The following SORL1 variants were observed in gnomAD, a reference collection of about 807,000 sequenced individuals.
The protein encoded by SORL1 is sortilin related receptor 1, also known as sortilin-related receptor.
A neutral mutation model predicts 273.7 loss-of-function variants in SORL1; 127 were observed. The ratio of observed to expected loss-of-function variants is 0.46; its 90% CI spans 0.40 to 0.54. The LOEUF (loss-of-function observed/expected upper bound fraction) is 0.54. Ranked by LOEUF, SORL1 falls within the 20% of genes least tolerant of loss-of-function variation. The pLI is 0.00. For missense variants in SORL1, 2,494 were observed against 2,846.1 expected, an observed-to-expected ratio of 0.88 and a Z score of 2.81; for synonymous variants, 1,031 against 1,067.4, an observed-to-expected ratio of 0.97 and a Z score of 0.66.
chr11:121,522,503 C>G (rs630813), intron 9 of SORL1, 83 bp from the exon 10 acceptor site: 1,013,594 of 1,019,202 alleles, frequency 0.99, 504,211 homozygotes, highest in East Asian at 1. Flanking sequence ...CAGCTGCACT[C>G]CCCTCACACA....
At chr11:121,510,484 C>G (rs1324455914) in intron 6 of SORL1, among the ~76,000 whole-genome samples, 3 of 152,174 alleles carry the variant, frequency 2.0e-5, no homozygotes, top group Admixed American at 2.0e-4. Flanking sequence ...TTCAAGACAT[C>G]CATACTAGCC....
At chr11:121,594,201 C>A (rs1863258321) in intron 31 of SORL1, among the ~76,000 whole-genome samples, 1 of 151,960 alleles carries the variant, frequency 6.6e-6, no homozygotes, top group Non-Finnish European at 1.5e-5. Context: ...TAAAATTTCA[C>A]AATGATGTGC....
chr11:121,608,342 TAG>T, intron 38 of SORL1, 166 bp downstream of exon 38: 1 of 609,326 alleles, frequency 1.6e-6, no homozygotes, highest in East Asian at 2.8e-5. Context: ...GTGCTTTAGA[TAG>T]AGTCTTTTTG....
rs1861608032 is a variant in SORL1, at chr11:121,495,058, C to A, written c.759-1811C>A. ...CCAGATTGTAGGGCAAAACTCAAGT[C>A]TTGCTCCCATTGTAAAAAGAAGCTC... On this transcript the variant is annotated intron_variant, in intron 5 of 47. Coordinates refer to ENST00000260197, the MANE Select transcript of SORL1 (RefSeq NM_003105.6). 3.3e-5 allele frequency among the ~76,000 whole-genome samples: 5 copies of A among 152,140 alleles called. No individual in the cohort carries two copies. The South Asian group carries it at 1.0e-3, about 32-fold the overall frequency.
chr11:121,622,377 G>T, intron 45 of SORL1, 109 bp downstream of exon 45: 1 of 621,630 alleles, frequency 1.6e-6, no homozygotes, highest in Non-Finnish European at 2.8e-6. Flanking sequence ...AAAAAAGAAA[G>T]AAAAAGAATA....
chr11:121,608,342 T>C, intron 38 of SORL1, 166 bp downstream of exon 38: 1 of 609,326 alleles, frequency 1.6e-6, no homozygotes, highest in Non-Finnish European at 2.9e-6. Context: ...GTGCTTTAGA[T>C]AGAGTCTTTT....
At chr11:121,562,753 A>G (rs1225656214) in intron 21 of SORL1, among the ~76,000 whole-genome samples, 1 of 152,130 alleles carries the variant, frequency 6.6e-6, no homozygotes, top group Non-Finnish European at 1.5e-5. Context: ...AAAGTTCTAG[A>G]CTTAATAAGG....
chr11:121,608,462 A>G (rs1271931183), intron 38 of SORL1: 1 of 337,976 alleles, frequency 3.0e-6, no homozygotes, highest in African/African-American at 2.1e-5. Flanking sequence ...AGTAGTCAAA[A>G]TATCTAAAAT....
chr11:121,521,600 A>G (rs565767056), intron 9 of SORL1, among the ~76,000 whole-genome samples: 1 of 152,300 alleles, frequency 6.6e-6, no homozygotes, highest in South Asian at 2.1e-4. Context: ...GGTAAGTCTG[A>G]TTACCTGAGG....
chr11:121,542,013 C>T (rs1161392373), intron 12 of SORL1, among the ~76,000 whole-genome samples: 1 of 152,208 alleles, frequency 6.6e-6, no homozygotes, highest in African/African-American at 2.4e-5. Context: ...AAACCTTCAC[C>T]TAGAGTCACA....
rs761438313 is a variant in SORL1 at position 121,548,662 on chromosome 11, G to C, written c.2052-1298G>C. 4.6e-5 allele frequency among the ~76,000 whole-genome samples: 7 copies of C among 152,308 alleles called. No individual in the cohort carries two copies. The Middle Eastern group carries it at 0.017, about 370-fold the overall frequency. ...GCTCACTGCAACCTCTGCCTCCCAA[G>C]TTCAAGCCATTCTCTTGCCTCAGCC... On this transcript the variant is annotated intron_variant, in intron 14 of 47. Transcript: ENST00000260197.
intron 12 of SORL1, among the ~76,000 whole-genome samples, chr11:121,533,561 C>G (rs1247625394): frequency 2.0e-5 from 3 of 152,176 alleles, no homozygotes; most frequent in African/African-American, 7.2e-5. Context: ...CCACACTTCT[C>G]CCTGTTTTTG....
chr11:121,629,424 G>T lies in SORL1; in HGVS notation c.6578-72G>T, dbSNP rs1863843020. On this transcript the variant is annotated intron_variant, in intron 47 of 47. Transcript: ENST00000260197. ...GGGTTGTGGTAGGGTTGAGGGGTGG[G>T]TAGAGTGGTGGGATATGGGGTCAGG... 7.4e-6 allele frequency: 6 copies of T among 809,246 alleles called. No individual in the cohort carries two copies. In the South Asian group the frequency reaches 8.0e-5, roughly 11 times the overall value. 50.1% of individuals were successfully genotyped at this position (809,246 alleles called of 1,614,324 possible).
At chr11:121,546,492 G>A (rs1040507174) in intron 14 of SORL1, among the ~76,000 whole-genome samples, 1 of 152,086 alleles carries the variant, frequency 6.6e-6, no homozygotes, top group African/African-American at 2.4e-5. Flanking sequence ...GAGAGCCATG[G>A]GTATTTAATA....
intron 12 of SORL1, among the ~76,000 whole-genome samples, chr11:121,539,812 G>A (rs185015183): frequency 6.6e-6 from 1 of 152,252 alleles, no homozygotes; most frequent in East Asian, 1.9e-4. Flanking sequence ...ATGAATGAAC[G>A]AATGGATGAA....
At chr11:121,494,798 A>C (rs1194963245) in intron 5 of SORL1, among the ~76,000 whole-genome samples, 1 of 152,186 alleles carries the variant, frequency 6.6e-6, no homozygotes, top group Non-Finnish European at 1.5e-5. Flanking sequence ...GCTGGGTCTC[A>C]AAATAGCTCA....
At chr11:121,485,256 G>T (rs1316166799) in intron 3 of SORL1, among the ~76,000 whole-genome samples, 3 of 152,190 alleles carry the variant, frequency 2.0e-5, no homozygotes. Context: ...GATTAGGAGA[G>T]AAGGCACACA....
At chr11:121,590,241 T>C in intron 30 of SORL1, 67 bp downstream of exon 30, 4 of 1,502,912 alleles carry the variant, frequency 2.7e-6, no homozygotes, top group Non-Finnish European at 3.6e-6. Context: ...CCACCAGCTA[T>C]GCAGGATGTG....
In SORL1 at chr11:121,496,954, G is replaced by A. The variant is rs759248112; in HGVS notation, c.844G>A (p.Asp282Asn). 16 of 1,613,724 alleles carry A rather than the reference G, an allele frequency of 9.9e-6. No homozygotes were observed. Among genetic ancestry groups the A allele is most frequent in the Admixed American group, 1.7e-5 (1 of 59,960 alleles). ...SGYSTVFRST[D>N]FFQSRENQEV... is the part of the protein sequence containing the mutation. ...CTACTCCACTGTCTTCCGAAGTACA[G>A]ATTTCTTCCAGTCCCGGGAAAACCA... is the stretch of plus-strand genomic sequence containing the variant. Residue 282 changes from aspartate to asparagine, a missense_variant, in exon 6 of 48, where the codon GAT (aspartate) becomes AAT (asparagine). Around this residue, in one of 3 missense-constraint regions of SORL1, gnomAD observed 710 missense variants for 882.5 expected, o/e 0.80. Coordinates refer to ENST00000260197, the MANE Select transcript of SORL1 (RefSeq NM_003105.6).
Sources: allele counts gnomAD v4.1 joint callset (sites outside exome capture counted in the v4.1 genomes callset), GRCh38; gene constraint gnomAD v4.1.1; regional missense constraint gnomAD v4.1.1; transcripts MANE v1.5; gene names NCBI Gene and HGNC (gene_info 2026-07-23, HGNC 2026-07-21).